ATXN3: variants seen among roughly 807,000 people sequenced by gnomAD.
ATXN3 encodes ataxin 3, also known as ataxin-3.
Under a neutral mutation model 58.2 loss-of-function variants are expected in ATXN3, and 28 were observed. That is an observed-to-expected ratio of 0.48 (90% CI 0.36 to 0.66). The LOEUF is 0.66. ATXN3 is among the 30% of genes least tolerant of loss of function. The pLI, the probability that ATXN3 is intolerant of heterozygous loss-of-function variation, is 0.00. For missense variants in ATXN3, 321 were observed against 422.1 expected, an observed-to-expected ratio of 0.76 and a Z score of 2.10; for synonymous variants, 113 against 138.5, an observed-to-expected ratio of 0.82 and a Z score of 1.29.
At chr14:92,049,252 A>G (rs2057439673) in intron 1 of ATXN3, among the ~76,000 whole-genome samples, 1 of 152,174 alleles carries the variant, frequency 6.6e-6, no homozygotes, top group South Asian at 2.1e-4. Context: ...AGAGAAAGGT[A>G]GAGACACGGA....
At chr14:92,078,916 T>C (rs896879374) in intron 9 of ATXN3, among the ~76,000 whole-genome samples, 1 of 152,052 alleles carries the variant, frequency 6.6e-6, no homozygotes, top group African/African-American at 2.4e-5. Context: ...CCGGGCTCAG[T>C]GGCTCATGCC....
chr14:92,087,151 A>C (rs1348421845), intron 6 of ATXN3, among the ~76,000 whole-genome samples: 1 of 152,162 alleles, frequency 6.6e-6, no homozygotes, highest in East Asian at 1.9e-4. Context: ...AGGGTGGCAC[A>C]TTATTTTTTA....
chr14:92,053,458 C>T (rs924640045), upstream of ATXN3, among the ~76,000 whole-genome samples: 3 of 151,200 alleles, frequency 2.0e-5, no homozygotes, highest in Non-Finnish European at 2.9e-5. Flanking sequence ...AGGTACATAG[C>T]CTTTTTCTGC....
intron 2 of ATXN3, among the ~76,000 whole-genome samples, chr14:92,047,703 G>A (rs2057433576): frequency 1.3e-5 from 2 of 152,162 alleles, no homozygotes; most frequent in South Asian, 4.1e-4. Context: ...AACTGGGCAG[G>A]TGGGGATAAC....
At chr14:92,056,298 T>A (rs1171060054), downstream of ATXN3, among the ~76,000 whole-genome samples, 1 of 152,222 alleles carries the variant, frequency 6.6e-6, no homozygotes, top group African/African-American at 2.4e-5. Context: ...GAATTTGACA[T>A]TTTCGGGCTT....
chr14:92,075,270 T>G lies in ATXN3; in HGVS notation c.873-4217A>C, dbSNP rs1217729989. ...ACCTCTGCCTCCCAGGTTCAAGTGATTCTCCTGCCTCAGCCTGCCAAATAG... is the reference window on the plus strand; with the variant it reads ...ACCTCTGCCTCCCAGGTTCAAGTGAGTCTCCTGCCTCAGCCTGCCAAATAG... On this transcript the variant is annotated intron_variant, in intron 9 of 10. Coordinates refer to ENST00000644486, the MANE Select transcript of ATXN3 (RefSeq NM_004993.6). 8.6e-5 allele frequency among the ~76,000 whole-genome samples: 13 copies of G among 151,238 alleles called. No individual in the cohort carries two copies. The Admixed American group carries it at 8.6e-4, about 10-fold the overall frequency.
Position 92,083,290 on chromosome 14 carries a change from A to C in ATXN3, c.476-32T>G, listed in dbSNP as rs1440237383. 8.3e-6 allele frequency: 13 copies of C among 1,571,456 alleles called. No homozygotes were observed. In the East Asian group the frequency reaches 2.7e-4, roughly 33 times the overall value. On this transcript the variant is annotated intron_variant, in intron 6 of 10. Coordinates refer to ENST00000644486, the MANE Select transcript of ATXN3 (RefSeq NM_004993.6). Reference sequence around the variant, plus strand: ...AAAAAAGGCAAAAATCAACCTAACCAGTTAGTAAAGAGATTCAAAATTGAT... The same window carrying C: ...AAAAAAGGCAAAAATCAACCTAACCCGTTAGTAAAGAGATTCAAAATTGAT...
chr14:92,068,899 T>C (rs1454966722), intron 10 of ATXN3, among the ~76,000 whole-genome samples: 1 of 152,058 alleles, frequency 6.6e-6, no homozygotes, highest in East Asian at 1.9e-4. Flanking sequence ...CCAGCTCATG[T>C]TTTATACAAA....
chr14:92,072,248 G>C (rs1203938211), intron 9 of ATXN3, among the ~76,000 whole-genome samples: 1 of 152,136 alleles, frequency 6.6e-6, no homozygotes, highest in Non-Finnish European at 1.5e-5. Context: ...GAACAACTGA[G>C]ACATAATGGA....
intron 2 of ATXN3, chr14:92,096,364 C>G: frequency 7.4e-7 from 1 of 1,356,926 alleles, no homozygotes; most frequent in Non-Finnish European, 9.7e-7. Flanking sequence ...GTGGCTCACA[C>G]CTATAATCCC....
chr14:92,070,609 G>C, intron 10 of ATXN3: 1 of 624,752 alleles, frequency 1.6e-6, no homozygotes, highest in East Asian at 3.3e-5. Context: ...GATGTCTAAG[G>C]AATTTTTGGA....
At position 92,062,085 on chromosome 14, in the gene ATXN3, C is replaced by T. The variant is rs8019545; in HGVS notation, c.*2235G>A. 0.29 allele frequency: 43,474 copies of T among 152,022 alleles called. 6,624 individuals carry two copies. The highest frequency in any genetic ancestry group is 0.39 in the African/African-American group (16,263 of 41,412). The allele number at this position is 152,022 out of a possible 1,614,324, so 9.4% of individuals were successfully genotyped here. A position where few individuals can be genotyped will look rare whatever the true frequency, so the allele number is the denominator to read the frequency against. ...AGCCTGGCCAAACATGATGAAACCG[C>T]GTCTCTACCAAAAATACAAAAATCT... On this transcript the variant is annotated 3_prime_UTR_variant, in exon 11 of 11. Coordinates refer to ENST00000644486, the MANE Select transcript of ATXN3 (RefSeq NM_004993.6).
At chr14:92,047,650 G>A (rs2057433429) in intron 2 of ATXN3, among the ~76,000 whole-genome samples, 1 of 152,160 alleles carries the variant, frequency 6.6e-6, no homozygotes, top group Non-Finnish European at 1.5e-5. Flanking sequence ...GGAATAATCA[G>A]GGAAGCAGAT....
intron 9 of ATXN3, among the ~76,000 whole-genome samples, chr14:92,078,150 T>G (rs1408298308): frequency 6.6e-6 from 1 of 151,608 alleles, no homozygotes; most frequent in Non-Finnish European, 1.5e-5. Context: ...AATTTTTGTA[T>G]TTTTAGTGGA....
At chr14:92,054,548 C>G (rs895685548), downstream of ATXN3, among the ~76,000 whole-genome samples, 1 of 152,192 alleles carries the variant, frequency 6.6e-6, no homozygotes, top group Non-Finnish European at 1.5e-5. Context: ...CATGAATAAT[C>G]CACCCCTTGT....
intron 9 of ATXN3, among the ~76,000 whole-genome samples, chr14:92,074,196 G>A (rs113953465): frequency 6.2e-4 from 93 of 149,202 alleles, no homozygotes; most frequent in African/African-American, 2.3e-3. Context: ...GCACAGTGGC[G>A]GGTGCCTGTA....
chr14:92,075,156 G>GTTTTTTT (rs376552690), intron 9 of ATXN3, among the ~76,000 whole-genome samples: 27 of 111,350 alleles, frequency 2.4e-4, no homozygotes, highest in Non-Finnish European at 4.1e-4. Context: ...GTAATAGGGA[G>GTTTTTTT]TTTTTTTTTT....
At chr14:92,095,391 G>C (rs1056766188) in intron 3 of ATXN3, among the ~76,000 whole-genome samples, 7 of 151,874 alleles carry the variant, frequency 4.6e-5, no homozygotes, top group Non-Finnish European at 8.8e-5. Context: ...TTACAGGCAC[G>C]TGTCACCACG....
At chr14:92,084,431 A>G (rs560829749) in intron 6 of ATXN3, among the ~76,000 whole-genome samples, 1 of 152,342 alleles carries the variant, frequency 6.6e-6, no homozygotes, top group African/African-American at 2.4e-5. Flanking sequence ...TTTGCATCCC[A>G]AAAGAATTAC....
Sources: gnomAD v4.1 joint callset for allele counts (sites outside exome capture counted in the v4.1 genomes callset) on GRCh38, gnomAD v4.1.1 for gene constraint, MANE v1.5 for transcripts, NCBI Gene and HGNC (gene_info 2026-07-23, HGNC 2026-07-21) for gene names.